ERBB4: variants seen among roughly 807,000 people sequenced by gnomAD.
ERBB4 encodes the protein receptor tyrosine-protein kinase erbB-4.
In ERBB4, 42 loss-of-function variants were observed where a neutral mutation model predicts 158.0. That is an observed-to-expected ratio of 0.27 (90% confidence interval 0.21 to 0.34). The LOEUF (loss-of-function observed/expected upper bound fraction) is 0.34. ERBB4 is among the 10% of genes least tolerant of loss of function. The probability of loss-of-function intolerance (pLI) is 1.00; values close to 1 mark genes in which losing one functional copy is unlikely to be tolerated. For missense variants in ERBB4, 1,333 were observed against 1,624.1 expected, an observed-to-expected ratio of 0.82 and a Z score of 3.08; for synonymous variants, 583 against 558.7, an observed-to-expected ratio of 1.04 and a Z score of -0.61.
intron 25 of ERBB4, among the ~76,000 whole-genome samples, chr2:211,404,190 T>C (rs768635575): frequency 7.2e-5 from 11 of 152,094 alleles, no homozygotes; most frequent in Non-Finnish European, 1.2e-4. Flanking sequence ...AGCTCAACTC[T>C]TGATTTATCT....
At chr2:211,842,981 T>C (rs1049300333) in intron 3 of ERBB4, among the ~76,000 whole-genome samples, 1 of 152,144 alleles carries the variant, frequency 6.6e-6, no homozygotes, top group African/African-American at 2.4e-5. Flanking sequence ...TTTAAAGTTA[T>C]AAAACAGTTA....
chr2:212,225,052 A>G (rs1452816669), intron 1 of ERBB4, among the ~76,000 whole-genome samples: 1 of 152,046 alleles, frequency 6.6e-6, no homozygotes, highest in African/African-American at 2.4e-5. Flanking sequence ...TATATTTGCT[A>G]TATGCCAATC....
At position 211,730,205 on chromosome 2, in the gene ERBB4, T is replaced by C. The variant is rs539161285; in HGVS notation, c.623-5011A>G. Reference sequence around the variant, plus strand: ...TGATAACCAATACTGTGATTAAAGTTACTCCCTTAGGACAAATTTATTTTA... The same window carrying C: ...TGATAACCAATACTGTGATTAAAGTCACTCCCTTAGGACAAATTTATTTTA... On this transcript the variant is annotated intron_variant, in intron 5 of 27. Transcript: ENST00000342788. 2.0e-5 allele frequency among the ~76,000 whole-genome samples: 3 copies of C among 152,106 alleles called. No homozygotes were observed. The South Asian group carries it at 6.2e-4, about 32-fold the overall frequency.
chr2:212,139,793 C>G (rs931626604), intron 1 of ERBB4, among the ~76,000 whole-genome samples: 3 of 151,938 alleles, frequency 2.0e-5, no homozygotes, highest in Non-Finnish European at 4.4e-5. Flanking sequence ...CACACACTAA[C>G]TTCTATTTTT....
chr2:212,269,979 G>C (rs1201132816), intron 1 of ERBB4, among the ~76,000 whole-genome samples: 1 of 151,746 alleles, frequency 6.6e-6, no homozygotes, highest in Admixed American at 6.6e-5. Flanking sequence ...TGTGTGCTTA[G>C]TGACTATAGC....
chr2:211,736,902 T>G (rs1198367158), intron 5 of ERBB4, among the ~76,000 whole-genome samples: 4 of 152,176 alleles, frequency 2.6e-5, no homozygotes, highest in Non-Finnish European at 5.9e-5. Context: ...AAAGCTTTTA[T>G]GCATGATTAA....
rs79225913 is a variant in ERBB4 at position 211,583,068 on chromosome 2, T to C, written c.2302-20980A>G. 7.0e-4 allele frequency among the ~76,000 whole-genome samples: 107 copies of C among 152,238 alleles called. 1 individual carries two copies. In the East Asian group the frequency reaches 0.019, roughly 27 times the overall value. On this transcript the variant is annotated intron_variant, in intron 19 of 27. Coordinates refer to ENST00000342788, the MANE Select transcript of ERBB4 (RefSeq NM_005235.3). ...ATTTAAATACTTCATTCAGTATTTA[T>C]TGAATGATTTAAATGGCTTTGAAAG...
chr2:211,531,425 G>A (rs945791436), intron 20 of ERBB4, among the ~76,000 whole-genome samples: 1 of 151,848 alleles, frequency 6.6e-6, no homozygotes, highest in African/African-American at 2.4e-5. Context: ...ATCTGACAAG[G>A]GATTAATAAC....
intron 3 of ERBB4, among the ~76,000 whole-genome samples, chr2:211,815,595 G>A (rs1260757657): frequency 6.6e-6 from 1 of 152,134 alleles, no homozygotes; most frequent in Non-Finnish European, 1.5e-5. Context: ...ATTGTAAACA[G>A]CACTCAACTA....
chr2:212,055,598 G>C (rs1292453436), intron 2 of ERBB4, among the ~76,000 whole-genome samples: 4 of 152,226 alleles, frequency 2.6e-5, no homozygotes, highest in African/African-American at 4.8e-5. Context: ...GGAACAATCA[G>C]GCAGCAACGT....
intron 2 of ERBB4, among the ~76,000 whole-genome samples, chr2:212,081,587 C>A: frequency 6.6e-6 from 1 of 152,078 alleles, no homozygotes; most frequent in Non-Finnish European, 1.5e-5. Context: ...AGTCTAAATA[C>A]ATTTACTGAT....
chr2:211,577,413 C>T (rs1439240562), intron 19 of ERBB4, among the ~76,000 whole-genome samples: 1 of 151,856 alleles, frequency 6.6e-6, no homozygotes, highest in Non-Finnish European at 1.5e-5. Flanking sequence ...AGTACCTTGT[C>T]TTGCGGTGGA....
chr2:212,346,203 A>G (rs1284894101), intron 1 of ERBB4, among the ~76,000 whole-genome samples: 1 of 152,172 alleles, frequency 6.6e-6, no homozygotes, highest in Non-Finnish European at 1.5e-5. Context: ...TCAGGTGCAT[A>G]TCAACATTTA....
chr2:212,286,594 C>CTTGTTTTTTTTTTTGTTTTTTTTTTTTTT (rs760466245), intron 1 of ERBB4, among the ~76,000 whole-genome samples: 1 of 55,540 alleles, frequency 1.8e-5, no homozygotes, highest in Non-Finnish European at 3.6e-5. Flanking sequence ...TAAGTGCTGA[C>CTTGTTTTTTTTTTTGTTTTTTTTTTTTTT]TTTTTTTTTT....
chr2:212,099,776 T>C (rs1178675173), intron 2 of ERBB4, among the ~76,000 whole-genome samples: 1 of 151,894 alleles, frequency 6.6e-6, no homozygotes, highest in Admixed American at 6.6e-5. Context: ...TATCTAATTA[T>C]ATTTGTAAAG....
intron 25 of ERBB4, among the ~76,000 whole-genome samples, chr2:211,395,921 A>T (rs1417185870): frequency 6.6e-6 from 1 of 152,008 alleles, no homozygotes; most frequent in Non-Finnish European, 1.5e-5. Context: ...CACAGCATTT[A>T]TCTCCAGATC....
At chr2:211,596,218 CAA>C (rs537753989) in intron 19 of ERBB4, among the ~76,000 whole-genome samples, 4 of 140,168 alleles carry the variant, frequency 2.9e-5, no homozygotes, top group African/African-American at 7.8e-5. Flanking sequence ...GACTTCACAG[CAA>C]AAAAAAAAAG....
chr2:212,224,798 T>C (rs948993161), intron 1 of ERBB4, among the ~76,000 whole-genome samples: 11 of 152,052 alleles, frequency 7.2e-5, no homozygotes, highest in African/African-American at 2.2e-4. Flanking sequence ...GAGCACAGAA[T>C]GATGTAACTG....
intron 3 of ERBB4, among the ~76,000 whole-genome samples, chr2:211,923,158 T>C (rs548851884): frequency 2.0e-5 from 3 of 152,152 alleles, no homozygotes; most frequent in African/African-American, 4.8e-5. Context: ...ACAATATTTA[T>C]AGGTCTGCTA....
Sources: gnomAD v4.1 joint callset for allele counts (sites outside exome capture counted in the v4.1 genomes callset) on GRCh38, gnomAD v4.1.1 for gene constraint, MANE v1.5 for transcripts, NCBI Gene and HGNC (gene_info 2026-07-23, HGNC 2026-07-21) for gene names.